LPCAT2: variants seen among roughly 807,000 people sequenced by gnomAD.
LPCAT2 encodes 1-AGP acyltransferase 11.
In LPCAT2, 58 loss-of-function variants were observed where a neutral mutation model predicts 64.7. That is an observed-to-expected ratio of 0.90 (90% CI 0.73 to 1.12). LPCAT2 has a LOEUF of 1.12. Among genes scored for constraint, LPCAT2 ranks in the 50% most tolerant of loss-of-function variants. The probability of loss-of-function intolerance (pLI) is 0.00; values close to 1 mark genes in which losing one functional copy is unlikely to be tolerated. For missense variants in LPCAT2, 579 were observed against 669.8 expected, an observed-to-expected ratio of 0.86 and a Z score of 1.50; for synonymous variants, 252 against 245.3, an observed-to-expected ratio of 1.03 and a Z score of -0.26.
intron 11 of LPCAT2, among the ~76,000 whole-genome samples, chr16:55,557,484 T>G (rs1055087536): frequency 9.2e-5 from 14 of 152,198 alleles, no homozygotes; most frequent in Non-Finnish European, 8.8e-5. Flanking sequence ...GGCAAGAAAT[T>G]TCAGCAGCTC....
chr16:55,571,383 C>T (rs1437233823), intron 11 of LPCAT2, among the ~76,000 whole-genome samples: 1 of 152,118 alleles, frequency 6.6e-6, no homozygotes, highest in Non-Finnish European at 1.5e-5. Context: ...ACAGTGACCT[C>T]CCCTCACACA....
At chr16:55,563,973 C>A (rs185625320) in intron 11 of LPCAT2, among the ~76,000 whole-genome samples, 114 of 151,854 alleles carry the variant, frequency 7.5e-4, no homozygotes, top group Admixed American at 3.7e-3. Flanking sequence ...CTCACACATA[C>A]AAAACACAGA....
At chr16:55,567,161 G>T (rs779869409) in intron 11 of LPCAT2, 3 of 1,613,748 alleles carry the variant, frequency 1.9e-6, no homozygotes, top group Admixed American at 3.3e-5. Flanking sequence ...ACAGTGACAC[G>T]ACTGGTAAGC....
chr16:55,546,414 A>T (rs1963454240), intron 9 of LPCAT2, among the ~76,000 whole-genome samples: 1 of 152,212 alleles, frequency 6.6e-6, no homozygotes, highest in African/African-American at 2.4e-5. Flanking sequence ...GTAGCCTCAG[A>T]GCCCTCCAGG....
chr16:55,548,879 G>C (rs1396216800), intron 9 of LPCAT2, among the ~76,000 whole-genome samples: 1 of 152,118 alleles, frequency 6.6e-6, no homozygotes, highest in African/African-American at 2.4e-5. Context: ...TAACCATTTG[G>C]AATAAGGATA....
rs566684979 is a variant in LPCAT2 at position 55,574,586 on chromosome 16, T to C, written c.1216-45T>C. 178 of 1,272,898 alleles carry C rather than the reference T, an allele frequency of 1.4e-4. 1 individual carries two copies. The South Asian group carries it at 2.0e-3, about 14-fold the overall frequency. 78.9% of individuals were successfully genotyped at this position (1,272,898 alleles called of 1,614,324 possible). ...TACCTTGTAGTAGGATTAATAGTAATTCCACTAGTGGCCCTCCTAATTGAT... is the reference window on the plus strand; with the variant it reads ...TACCTTGTAGTAGGATTAATAGTAACTCCACTAGTGGCCCTCCTAATTGAT... On this transcript the variant is annotated intron_variant, in intron 11 of 13. Transcript: ENST00000262134.
chr16:55,575,898 A>C (rs194176), intron 12 of LPCAT2, among the ~76,000 whole-genome samples: 143,361 of 152,304 alleles, frequency 0.94, 67,833 homozygotes, highest in East Asian at 0.99. Flanking sequence ...AAAGTTTAAA[A>C]CCTTCAGCTT....
chr16:55,557,649 C>G (rs974036256), intron 11 of LPCAT2, among the ~76,000 whole-genome samples: 2 of 152,156 alleles, frequency 1.3e-5, no homozygotes, highest in Admixed American at 6.5e-5. Context: ...TTCCCATGTT[C>G]CCTTCCCACT....
rs1219161867 is a variant in LPCAT2 at position 55,584,450 on chromosome 16, A to AT, written c.*1359dup. ...CATTTTTCCTTTAGGTTAAGCAGTA[A>AT]TTTTTTTGAATTGTCATTTTTAATG... On this transcript the variant is annotated 3_prime_UTR_variant, in exon 14 of 14. Transcript: ENST00000262134. 6.6e-6 allele frequency: 1 copy of AT among 152,142 alleles called. No homozygotes were observed. Among genetic ancestry groups the AT allele is most frequent in the African/African-American group, 2.4e-5 (1 of 41,438 alleles). 9.4% of individuals were successfully genotyped at this position (152,142 alleles called of 1,614,324 possible).
chr16:55,576,198 T>TC (rs1963826126), intron 12 of LPCAT2, among the ~76,000 whole-genome samples: 1 of 151,848 alleles, frequency 6.6e-6, no homozygotes, highest in Non-Finnish European at 1.5e-5. Flanking sequence ...TTTTTTTTTT[T>TC]CAGTAAGACA....
In LPCAT2 at chr16:55,534,660, A is replaced by G. The variant is rs187685783; in HGVS notation, c.797+183A>G. Among the ~76,000 whole-genome samples, 4 of 152,326 alleles carry G rather than the reference A, an allele frequency of 2.6e-5. No individual in the cohort carries two copies. The East Asian group carries it at 5.8e-4, about 22-fold the overall frequency. On this transcript the variant is annotated intron_variant, in intron 7 of 13. Coordinates refer to ENST00000262134, the MANE Select transcript of LPCAT2 (RefSeq NM_017839.5). ...ATAAGTCTCTGTAGAGAGCATCACT[A>G]TCTTGACCACTAACCCCTGGAGTCT...
chr16:55,571,724 T>A (rs1291138339), intron 11 of LPCAT2, among the ~76,000 whole-genome samples: 2 of 152,176 alleles, frequency 1.3e-5, no homozygotes, highest in Non-Finnish European at 2.9e-5. Context: ...TGATACTGAT[T>A]TGACATTTAA....
chr16:55,511,163 T>A (rs190781211), intron 1 of LPCAT2, among the ~76,000 whole-genome samples: 102 of 152,350 alleles, frequency 6.7e-4, no homozygotes, highest in Middle Eastern at 6.8e-3. Flanking sequence ...AATCTGTTAT[T>A]GTTTGTTGAT....
intron 11 of LPCAT2, among the ~76,000 whole-genome samples, chr16:55,553,208 A>C (rs556400422): frequency 1.3e-5 from 2 of 152,282 alleles, no homozygotes; most frequent in Non-Finnish European, 2.9e-5. Flanking sequence ...ATTGCACTCC[A>C]GCTGGGCAAC....
At position 55,583,035 on chromosome 16, in the gene LPCAT2, C is replaced by T. The variant is rs750219018; in HGVS notation, c.1572C>T (p.Thr524=). The T allele has an allele frequency of 8.7e-6, 14 of 1,613,660 alleles. No individual in the cohort carries two copies. The highest frequency in any genetic ancestry group is 2.7e-5 in the African/African-American group (2 of 74,870). The change falls in exon 14 of 14, where the codon ACC becomes ACT. Residue 524 remains threonine (T), a synonymous_variant. Transcript: ENST00000262134. ...LPKEVQTTPS[T]ASNKVSPEKH... is the part of the protein sequence containing the mutation. ...AAGAAGTCCAGACAACCCCCTCCAC[C>T]GCCAGTAATAAAGTCAGCCCTGAAA...
chr16:55,539,179 A>T (rs1963364277), intron 8 of LPCAT2: 1 of 150,850 alleles, frequency 6.6e-6, no homozygotes, highest in African/African-American at 2.4e-5. Context: ...CAACAGAGGT[A>T]TTCAGATTCC....
chr16:55,555,745 A>G (rs181043653), intron 11 of LPCAT2, among the ~76,000 whole-genome samples: 5 of 152,336 alleles, frequency 3.3e-5, no homozygotes, highest in Admixed American at 3.3e-4. Flanking sequence ...ATGAAATACT[A>G]ATGTATGACT....
rs1450852439 is a variant in LPCAT2, at chr16:55,537,591, A to G, written c.811A>G (p.Met271Val). 2 of 1,613,304 alleles carry G rather than the reference A, an allele frequency of 1.2e-6. No homozygotes were observed. The highest frequency in any genetic ancestry group is 2.2e-5 in the East Asian group (1 of 44,830). The change falls in exon 8 of 14, where the codon ATG (methionine) becomes GTG (valine). Residue 271 changes from methionine (M) to valine (V), a missense_variant. Coordinates refer to ENST00000262134, the MANE Select transcript of LPCAT2 (RefSeq NM_017839.5). ...WQGYTFIQLC[M>V]LTFCQLFTKV... Reference sequence around the variant, plus strand: ...TTTTCTCTTCAGCATTCAGCTTTGTATGCTTACTTTCTGCCAGCTCTTCAC... The same window carrying G: ...TTTTCTCTTCAGCATTCAGCTTTGTGTGCTTACTTTCTGCCAGCTCTTCAC...
chr16:55,547,166 A>T (rs1489146331), intron 9 of LPCAT2, among the ~76,000 whole-genome samples: 1 of 151,608 alleles, frequency 6.6e-6, no homozygotes, highest in Non-Finnish European at 1.5e-5. Context: ...AAAAAAAAAA[A>T]TTGAGAGAAC....
Sources: gnomAD v4.1 joint callset for allele counts (sites outside exome capture counted in the v4.1 genomes callset) on GRCh38, gnomAD v4.1.1 for gene constraint, MANE v1.5 for transcripts, NCBI Gene and HGNC (gene_info 2026-07-23, HGNC 2026-07-21) for gene names.